The following DNM2 variants were observed in gnomAD, a reference collection of about 807,000 sequenced individuals.
The protein encoded by DNM2 is dynamin 2, also known as dynamin-2.
DNM2 carries 15 observed loss-of-function variants against 99.0 expected under a neutral mutation model. The ratio of observed to expected loss-of-function variants is 0.15; its 90% confidence interval spans 0.10 to 0.23. The LOEUF (loss-of-function observed/expected upper bound fraction) is 0.23. DNM2 is among the 10% of genes least tolerant of loss of function. The pLI is 1.00. For synonymous variants in DNM2, 525 were observed against 481.2 expected (o/e 1.09, Z -1.19); for missense variants, 742 against 1,189.4 (o/e 0.62, Z 5.53).
chr19:10,761,710 A>G (rs1445227742), intron 2 of DNM2, among the ~76,000 whole-genome samples: 5 of 152,156 alleles, frequency 3.3e-5, no homozygotes, highest in Non-Finnish European at 7.4e-5. Context: ...CAGATCTGGG[A>G]CCTGCATCCA....
At chr19:10,821,911 G>C (rs1282305668) in intron 16 of DNM2, among the ~76,000 whole-genome samples, 1 of 152,158 alleles carries the variant, frequency 6.6e-6, no homozygotes, top group Non-Finnish European at 1.5e-5. Context: ...GCAGCAGCAG[G>C]AAGGAGAGGA....
rs2071016320 is a variant in DNM2 at position 10,772,539 on chromosome 19, A to G, written c.296A>G (p.Gln99Arg). ...TTTACAGACTTTGATGAAGTCCGGC[A>G]GGAGATTGAAGCAGAGACCGACAGG... is the stretch of plus-strand genomic sequence containing the variant. ...KKFTDFDEVR[Q>R]EIEAETDRVT... is the part of the protein sequence containing the mutation. Residue 99 changes from glutamine (Q) to arginine (R), a missense_variant, in exon 3 of 21, where the codon CAG becomes CGG. By Grantham distance (43) the Gln-to-Arg change is conservative. Coordinates refer to ENST00000389253, the MANE Select transcript of DNM2 (RefSeq NM_001005361.3). This position sits in a 1 kb window ranked among gnomAD's most constrained non-coding sequence, Gnocchi z 4.9. The G allele has an allele frequency of 6.2e-7, 1 of 1,614,070 alleles. No individual in the cohort carries two copies. The highest frequency in any genetic ancestry group is 1.3e-5 in the African/African-American group (1 of 74,930).
intron 7 of DNM2, among the ~76,000 whole-genome samples, chr19:10,788,486 G>A (rs553477560): frequency 6.0e-4 from 92 of 152,304 alleles, no homozygotes; most frequent in Admixed American, 2.2e-3. Flanking sequence ...TGAGGTGGGA[G>A]CCATGGACAG....
Position 10,830,865 on chromosome 19 carries a change from G to T in DNM2, c.2544-113G>T. 1 of 1,308,764 alleles carries T rather than the reference G, an allele frequency of 7.6e-7. No homozygotes were observed. Among genetic ancestry groups the T allele is most frequent in the Non-Finnish European group, 1.0e-6 (1 of 967,942 alleles). The allele number at this position is 1,308,764 out of a possible 1,614,324, so 81.1% of individuals were successfully genotyped here. A position where few individuals can be genotyped will look rare whatever the true frequency, so the allele number is the denominator to read the frequency against. On this transcript the variant is annotated intron_variant, in intron 20 of 20. Coordinates refer to ENST00000389253, the MANE Select transcript of DNM2 (RefSeq NM_001005361.3). The surrounding 1 kb of genome is among the most constrained non-coding windows in gnomAD (Gnocchi z 4.8). The stretch of plus-strand genomic sequence containing the variant: ...TGGTGGCTTGCGGAGGTCAGCCTGG[G>T]AACACCCTGGGGTGGTGTGTGGGTG...
At chr19:10,757,103 C>A (rs1298091351) in intron 1 of DNM2, among the ~76,000 whole-genome samples, 3 of 152,228 alleles carry the variant, frequency 2.0e-5, no homozygotes, top group Admixed American at 6.5e-5. Context: ...CTGCCACCCT[C>A]AACCCCCCAG....
At chr19:10,827,816 C>T (rs1047257823) in intron 18 of DNM2, among the ~76,000 whole-genome samples, 12 of 151,152 alleles carry the variant, frequency 7.9e-5, no homozygotes, top group Non-Finnish European at 1.5e-4. Flanking sequence ...TTGCAATGAG[C>T]GGAGATCATG....
chr19:10,738,649 G>A (rs1232568288), intron 1 of DNM2, among the ~76,000 whole-genome samples: 1 of 151,808 alleles, frequency 6.6e-6, no homozygotes, highest in Non-Finnish European at 1.5e-5. Context: ...ATCACTTGAG[G>A]TCAGGAGTTG....
intron 1 of DNM2, among the ~76,000 whole-genome samples, chr19:10,730,098 A>G (rs1026640341): frequency 1.3e-5 from 2 of 152,150 alleles, no homozygotes; most frequent in Non-Finnish European, 2.9e-5. Flanking sequence ...TCCTGGGCTC[A>G]TGCGATCCTT....
chr19:10,830,852 G>C lies in DNM2; in HGVS notation c.2544-126G>C. ...CTGCCCGACACCCTGGTGGCTTGCGGAGGTCAGCCTGGGAACACCCTGGGG... is the reference window on the plus strand; with the variant it reads ...CTGCCCGACACCCTGGTGGCTTGCGCAGGTCAGCCTGGGAACACCCTGGGG... On this transcript the variant is annotated intron_variant, in intron 20 of 20. Transcript: ENST00000389253. The surrounding 1 kb of genome is among the most constrained non-coding windows in gnomAD (Gnocchi z 4.8). The C allele has an allele frequency of 8.3e-7, 1 of 1,202,368 alleles. No individual in the cohort carries two copies. The highest frequency in any genetic ancestry group is 1.1e-6 in the Non-Finnish European group (1 of 876,492). 74.5% of individuals were successfully genotyped at this position (1,202,368 alleles called of 1,614,324 possible).
intron 1 of DNM2, among the ~76,000 whole-genome samples, chr19:10,748,259 G>T (rs1056190892): frequency 7.9e-5 from 12 of 152,152 alleles, no homozygotes; most frequent in African/African-American, 2.7e-4. Flanking sequence ...ACTGGTGTAG[G>T]CAGGTGACAG....
intron 1 of DNM2, among the ~76,000 whole-genome samples, chr19:10,742,423 C>T (rs944065397): frequency 7.9e-5 from 12 of 152,158 alleles, no homozygotes; most frequent in African/African-American, 1.2e-4. Flanking sequence ...GGGCCTTATG[C>T]GTGCTAGACC....
intron 1 of DNM2, 198 bp downstream of exon 1, chr19:10,718,601 G>A (rs2068831055): frequency 3.8e-6 from 3 of 788,442 alleles, no homozygotes; most frequent in Non-Finnish European, 5.0e-6. Context: ...GAGCAGGCCC[G>A]GGCCCCAGGG....
At position 10,829,147 on chromosome 19, in the gene DNM2, C is replaced by T. The variant is rs749953105; in HGVS notation, c.2170C>T (p.Arg724Cys). The T allele has an allele frequency of 3.7e-6, 6 of 1,613,816 alleles. No individual in the cohort carries two copies. Among genetic ancestry groups the T allele is most frequent in the East Asian group, 2.2e-5 (1 of 44,892 alleles). Reference sequence around the variant, plus strand: ...GGCACAGCGGCGGGACGACATGCTGCGCATGTACCATGCCCTCAAGGAGGC... The same window carrying T: ...GGCACAGCGGCGGGACGACATGCTGTGCATGTACCATGCCCTCAAGGAGGC... ...DQAQRRDDML[R>C]MYHALKEALN... Residue 724 changes from arginine to cysteine, a missense_variant, in exon 19 of 21, where the codon CGC becomes TGC. Physicochemically the swap from Arg to Cys is radical, Grantham distance 180 (BLOSUM62 -3). Around this residue, in one of 7 missense-constraint regions of DNM2, gnomAD observed 187 missense variants for 218.8 expected, o/e 0.85. Transcript: ENST00000389253.
intron 1 of DNM2, among the ~76,000 whole-genome samples, chr19:10,745,136 T>C (rs971638074): frequency 9.9e-5 from 15 of 152,160 alleles, no homozygotes; most frequent in Admixed American, 9.8e-4. Context: ...GAAATGGGGA[T>C]GTGCGGAAAA....
At chr19:10,744,472 CG>C (rs1236204294) in intron 1 of DNM2, among the ~76,000 whole-genome samples, 1 of 152,090 alleles carries the variant, frequency 6.6e-6, no homozygotes, top group Admixed American at 6.6e-5. Flanking sequence ...GGGAGAGTCT[CG>C]GGGTGGAGGG....
rs769906659 is a variant in DNM2 at position 10,759,821 on chromosome 19, G to A, written c.235+10G>A. On this transcript the variant is annotated intron_variant, in intron 2 of 20. Transcript: ENST00000389253. ...ATCTTCTCAAAAACAGGTAAAATGGGGCGGCCTGAGGTTCAGCAGGAAGTG... is the reference window on the plus strand; with the variant it reads ...ATCTTCTCAAAAACAGGTAAAATGGAGCGGCCTGAGGTTCAGCAGGAAGTG... 70 of 1,614,108 alleles carry A rather than the reference G, an allele frequency of 4.3e-5. No individual in the cohort carries two copies. The highest frequency in any genetic ancestry group is 5.8e-5 in the Non-Finnish European group (68 of 1,180,034).
At chr19:10,767,615 C>A (rs2070840398) in intron 2 of DNM2, among the ~76,000 whole-genome samples, 1 of 152,222 alleles carries the variant, frequency 6.6e-6, no homozygotes, top group Non-Finnish European at 1.5e-5. Context: ...AGCTTTTAAA[C>A]CTCTATTGGG....
rs1321172221 is a variant in DNM2 at position 10,812,516 on chromosome 19, C to T, written c.1671+139C>T. On this transcript the variant is annotated intron_variant, in intron 15 of 20. Transcript: ENST00000389253. The surrounding 1 kb of genome is among the most constrained non-coding windows in gnomAD (Gnocchi z 4.0). ...CATTAGGACTGTAACTCGCCGGGCA[C>T]GGTGGCTCCCGCCTGTAATCCCAGC... 4 of 639,448 alleles carry T rather than the reference C, an allele frequency of 6.3e-6. No individual in the cohort carries two copies. Among genetic ancestry groups the T allele is most frequent in the Non-Finnish European group, 1.1e-5 (4 of 373,452 alleles). 39.6% of individuals were successfully genotyped at this position (639,448 alleles called of 1,614,324 possible).
At chr19:10,751,836 A>G (rs570518535) in intron 1 of DNM2, among the ~76,000 whole-genome samples, 42 of 152,356 alleles carry the variant, frequency 2.8e-4, no homozygotes, top group South Asian at 6.2e-4. Context: ...TCAAAATTTT[A>G]AGGAAATTAA....
Sources: gnomAD v4.1 joint callset for allele counts (sites outside exome capture counted in the v4.1 genomes callset) on GRCh38, gnomAD v4.1.1 for gene constraint, gnomAD v4.1.1 regional missense constraint, Gnocchi (gnomAD v3.1) non-coding constraint, MANE v1.5 for transcripts, NCBI Gene and HGNC (gene_info 2026-07-23, HGNC 2026-07-21) for gene names.